The following UNC5D variants were observed in gnomAD, a reference collection of about 807,000 sequenced individuals.
The protein encoded by UNC5D is netrin receptor UNC5D.
In UNC5D, 39 loss-of-function variants were observed where a neutral mutation model predicts 105.4. The observed-to-expected ratio is 0.37, with a 90% CI of 0.29 to 0.48. The LOEUF (loss-of-function observed/expected upper bound fraction) is 0.48. UNC5D is among the 20% of genes least tolerant of loss of function. The pLI, the probability that UNC5D is intolerant of heterozygous loss-of-function variation, is 0.98. For missense variants in UNC5D, 991 were observed against 1,202.4 expected, an observed-to-expected ratio of 0.82 and a Z score of 2.60; for synonymous variants, 452 against 450.4, an observed-to-expected ratio of 1.00 and a Z score of -0.04.
At chr8:35,699,749 A>T (rs1210791379) in intron 7 of UNC5D, among the ~76,000 whole-genome samples, 2 of 152,206 alleles carry the variant, frequency 1.3e-5, no homozygotes, top group Non-Finnish European at 2.9e-5. Context: ...GAAGTGAGAA[A>T]GCAAGAACTG....
chr8:35,403,982 A>G (rs1804638690), intron 1 of UNC5D, among the ~76,000 whole-genome samples: 1 of 152,058 alleles, frequency 6.6e-6, no homozygotes, highest in African/African-American at 2.4e-5. Flanking sequence ...GCTGTGTGAG[A>G]TGACAGTGTG....
chr8:35,379,143 A>C (rs2128930583), intron 1 of UNC5D, among the ~76,000 whole-genome samples: 1 of 152,252 alleles, frequency 6.6e-6, no homozygotes, highest in Middle Eastern at 3.4e-3. Flanking sequence ...TGGTCTCTTG[A>C]GCTGAGGAAT....
intron 1 of UNC5D, among the ~76,000 whole-genome samples, chr8:35,434,746 A>T (rs2128978164): frequency 6.6e-6 from 1 of 152,260 alleles, no homozygotes; most frequent in African/African-American, 2.4e-5. Context: ...TTTAAAAGCA[A>T]GTTAGGAGCG....
intron 1 of UNC5D, among the ~76,000 whole-genome samples, chr8:35,321,247 A>G (rs1242171825): frequency 6.6e-6 from 1 of 152,136 alleles, no homozygotes. Context: ...CTGTAAGCTC[A>G]TTTAGGACCT....
intron 2 of UNC5D, among the ~76,000 whole-genome samples, chr8:35,558,931 G>A (rs895017506): frequency 2.0e-5 from 3 of 151,990 alleles, no homozygotes; most frequent in Non-Finnish European, 2.9e-5. Flanking sequence ...GCAGTGAGCC[G>A]AGATCGCAGC....
chr8:35,604,196 C>T (rs909606090), intron 4 of UNC5D, among the ~76,000 whole-genome samples: 10 of 152,040 alleles, frequency 6.6e-5, no homozygotes, highest in Admixed American at 1.3e-4. Flanking sequence ...TGTTCCTTTC[C>T]ATGTTTAGTG....
intron 1 of UNC5D, among the ~76,000 whole-genome samples, chr8:35,470,806 A>AT (rs1188363625): frequency 2.4e-4 from 8 of 33,890 alleles, no homozygotes; most frequent in Admixed American, 1.5e-3. Flanking sequence ...AAATAAATAA[A>AT]TAAATAAAAT....
At chr8:35,467,572 CA>C (rs769649743) in intron 1 of UNC5D, among the ~76,000 whole-genome samples, 243 of 42,512 alleles carry the variant, frequency 5.7e-3, no homozygotes, top group Middle Eastern at 0.021. Context: ...CTATGACAGG[CA>C]AAAAAAAAAA....
intron 1 of UNC5D, among the ~76,000 whole-genome samples, chr8:35,316,012 G>A (rs895897646): frequency 3.3e-5 from 5 of 152,180 alleles, no homozygotes; most frequent in Admixed American, 1.3e-4. Context: ...AGCTTAAAGA[G>A]ATCGGTCGAG....
chr8:35,672,182 A>G (rs1824855280), intron 4 of UNC5D, among the ~76,000 whole-genome samples: 1 of 152,186 alleles, frequency 6.6e-6, no homozygotes, highest in Non-Finnish European at 1.5e-5. Context: ...GAACATTTGG[A>G]ATCTTTAATG....
chr8:35,584,596 G>A (rs911106288), intron 3 of UNC5D, among the ~76,000 whole-genome samples: 1 of 150,458 alleles, frequency 6.6e-6, no homozygotes, highest in African/African-American at 2.5e-5. Flanking sequence ...TGTTGTTGTT[G>A]TTTTCCTGGT....
intron 1 of UNC5D, among the ~76,000 whole-genome samples, chr8:35,406,997 C>G (rs181218328): frequency 6.6e-6 from 1 of 151,996 alleles, no homozygotes; most frequent in African/African-American, 2.4e-5. Flanking sequence ...CCCTGCATAA[C>G]GACATTTTAG....
At chr8:35,363,635 C>G (rs1370405010) in intron 1 of UNC5D, among the ~76,000 whole-genome samples, 1 of 152,056 alleles carries the variant, frequency 6.6e-6, no homozygotes, top group African/African-American at 2.4e-5. Context: ...CTTAATTTGT[C>G]CCATTATTGG....
chr8:35,767,166 C>T (rs1801813252), intron 15 of UNC5D, 100 bp downstream of exon 15: 4 of 1,333,952 alleles, frequency 3.0e-6, no homozygotes, highest in Non-Finnish European at 4.0e-6. Context: ...TCTGAAAGAG[C>T]TTCAAAATGC....
intron 16 of UNC5D, 101 bp downstream of exon 16, chr8:35,774,578 A>G (rs1427779976): frequency 1.4e-6 from 2 of 1,421,660 alleles, no homozygotes; most frequent in Non-Finnish European, 1.9e-6. Context: ...TAATATTTTT[A>G]TGAGTTCCTC....
At chr8:35,789,485 G>A (rs1331303643) in intron 16 of UNC5D, among the ~76,000 whole-genome samples, 1 of 151,902 alleles carries the variant, frequency 6.6e-6, no homozygotes, top group Non-Finnish European at 1.5e-5. Flanking sequence ...ATGGTCTAGT[G>A]TGAGAGATTA....
intron 11 of UNC5D, among the ~76,000 whole-genome samples, chr8:35,733,793 G>C (rs571299487): frequency 6.6e-6 from 1 of 152,162 alleles, no homozygotes; most frequent in South Asian, 2.1e-4. Flanking sequence ...TCTAAGGATT[G>C]GGTTAAAGAG....
At chr8:35,435,962 A>T (rs1016410505) in intron 1 of UNC5D, among the ~76,000 whole-genome samples, 29 of 152,186 alleles carry the variant, frequency 1.9e-4, no homozygotes, top group African/African-American at 6.7e-4. Context: ...AAACTCTTAG[A>T]AAGTTTTAGC....
At chr8:35,324,969 C>A (rs1309142622) in intron 1 of UNC5D, among the ~76,000 whole-genome samples, 1 of 152,136 alleles carries the variant, frequency 6.6e-6, no homozygotes, top group Non-Finnish European at 1.5e-5. Flanking sequence ...TGAATGATAT[C>A]ACTCAGCACA....
Sources: allele counts gnomAD v4.1 joint callset (sites outside exome capture counted in the v4.1 genomes callset), GRCh38; gene constraint gnomAD v4.1.1; transcripts MANE v1.5; gene names NCBI Gene and HGNC (gene_info 2026-07-23, HGNC 2026-07-21).